PLAC1: variants seen among roughly 807,000 people sequenced by gnomAD.
PLAC1 encodes the protein placenta associated 1.
For missense variants in PLAC1, 136 were observed against 163.2 expected, an observed-to-expected ratio of 0.83 and a Z score of 0.91; for synonymous variants, 68 against 62.1, an observed-to-expected ratio of 1.09 and a Z score of -0.44.
chrX:134,646,741 G>T (rs2078335284), intron 1 of PLAC1, among the ~76,000 whole-genome samples: 1 of 112,330 alleles, frequency 8.9e-6, no homozygotes, highest in Admixed American at 9.4e-5. Flanking sequence ...TGGTTCAAAA[G>T]ATTCCAATTC....
At chrX:134,709,210 C>T (rs1030859949) in intron 2 of PLAC1, among the ~76,000 whole-genome samples, 1 of 112,018 alleles carries the variant, frequency 8.9e-6, no homozygotes, top group African/African-American at 3.3e-5. Context: ...GTAATTTACA[C>T]AGAAGATTTA....
At chrX:134,674,432 T>A (rs1334992686) in intron 2 of PLAC1, among the ~76,000 whole-genome samples, 2 of 112,011 alleles carry the variant, frequency 1.8e-5, no homozygotes, top group African/African-American at 6.5e-5. Context: ...GATGTTTCTA[T>A]GTCTTCAGTA....
intron 2 of PLAC1, among the ~76,000 whole-genome samples, chrX:134,671,828 A>G (rs1487539310): frequency 8.9e-6 from 1 of 112,053 alleles, no homozygotes; most frequent in Non-Finnish European, 1.9e-5. Context: ...TTGCATTCAT[A>G]AGAGTCTAGT....
intron 2 of PLAC1, chrX:134,601,060 T>TCTCACACACACA (rs2078086318): frequency 1.0e-5 from 1 of 96,296 alleles, no homozygotes; most frequent in South Asian, 5.4e-4. Context: ...TTTTTTTTCT[T>TCTCACACACACA]CACACACACA....
chrX:134,623,974 G>GA (rs1229523427), intron 1 of PLAC1, among the ~76,000 whole-genome samples: 1 of 111,649 alleles, frequency 9.0e-6, no homozygotes, highest in African/African-American at 3.3e-5. Flanking sequence ...AAGTGCATTA[G>GA]ATTTATCAAG....
At chrX:134,657,710 A>C (rs947184165) in intron 1 of PLAC1, among the ~76,000 whole-genome samples, 2 of 110,988 alleles carry the variant, frequency 1.8e-5, no homozygotes, top group Non-Finnish European at 3.8e-5. Context: ...GTCCAGAGAC[A>C]TGCCTCTCTG....
chrX:134,676,569 A>G (rs944141581), intron 2 of PLAC1, among the ~76,000 whole-genome samples: 5 of 112,028 alleles, frequency 4.5e-5, no homozygotes, highest in Non-Finnish European at 9.4e-5. Context: ...CAGCAAAAAC[A>G]TTTCTAGACA....
At chrX:134,755,921 G>A (rs1184536276) in intron 1 of PLAC1, among the ~76,000 whole-genome samples, 1 of 78,753 alleles carries the variant, frequency 1.3e-5, no homozygotes, top group Non-Finnish European at 2.2e-5. Context: ...GAGTGCTCTT[G>A]GCTCACTGCA....
At chrX:134,575,221 T>C (rs1050866270) in intron 2 of PLAC1, among the ~76,000 whole-genome samples, 1 of 111,380 alleles carries the variant, frequency 9.0e-6, no homozygotes, top group Middle Eastern at 4.2e-3. Context: ...TGACCCCATA[T>C]CCACATATGA....
intron 2 of PLAC1, among the ~76,000 whole-genome samples, chrX:134,718,680 G>A (rs1316828697): frequency 8.9e-6 from 1 of 112,063 alleles, no homozygotes; most frequent in Non-Finnish European, 1.9e-5. Flanking sequence ...GATATCCTAG[G>A]GCCTGGCTAC....
intron 2 of PLAC1, among the ~76,000 whole-genome samples, chrX:134,669,758 G>T (rs2078449132): frequency 8.9e-6 from 1 of 112,502 alleles, no homozygotes; most frequent in Admixed American, 9.3e-5. Flanking sequence ...GGAGCTGGAG[G>T]TCCGCAGTAG....
At chrX:134,590,127 A>G (rs1031157057) in intron 2 of PLAC1, among the ~76,000 whole-genome samples, 4 of 110,879 alleles carry the variant, frequency 3.6e-5, no homozygotes, top group East Asian at 2.8e-4. Context: ...CCTGGGAGGC[A>G]GAAGTTGCAA....
chrX:134,686,093 T>C (rs1489880410), intron 2 of PLAC1, among the ~76,000 whole-genome samples: 1 of 111,824 alleles, frequency 8.9e-6, no homozygotes, highest in Non-Finnish European at 1.9e-5. Flanking sequence ...ATGTCGGCTA[T>C]TGATGGAGTC....
intron 2 of PLAC1, among the ~76,000 whole-genome samples, chrX:134,726,696 G>A (rs1246823803): frequency 3.7e-5 from 4 of 108,176 alleles, no homozygotes; most frequent in African/African-American, 1.0e-4. Flanking sequence ...GGTGGCATGC[G>A]CCTGTAGTCC....
chrX:134,704,530 T>C (rs768026842), intron 2 of PLAC1, among the ~76,000 whole-genome samples: 2 of 91,886 alleles, frequency 2.2e-5, no homozygotes, highest in South Asian at 9.7e-4. Flanking sequence ...CAAAAAAAAA[T>C]AAAACATAGT....
intron 1 of PLAC1, among the ~76,000 whole-genome samples, chrX:134,616,678 A>C (rs1163352464): frequency 9.0e-6 from 1 of 111,577 alleles, no homozygotes; most frequent in Non-Finnish European, 1.9e-5. Context: ...TGCTTCAGCT[A>C]TCTGGGGTCT....
At chrX:134,652,422 G>A (rs956235187) in intron 1 of PLAC1, among the ~76,000 whole-genome samples, 1 of 112,170 alleles carries the variant, frequency 8.9e-6, no homozygotes, top group East Asian at 2.8e-4. Context: ...GGTTCTACAG[G>A]CAACTGCTCC....
At chrX:134,640,945 C>G (rs1475219813) in intron 1 of PLAC1, among the ~76,000 whole-genome samples, 1 of 111,827 alleles carries the variant, frequency 8.9e-6, no homozygotes, top group Non-Finnish European at 1.9e-5. Flanking sequence ...GACCCTGTCT[C>G]TACAAAGAAG....
intron 1 of PLAC1, among the ~76,000 whole-genome samples, chrX:134,749,503 C>T (rs367668416): frequency 9.0e-6 from 1 of 111,652 alleles, no homozygotes; most frequent in South Asian, 3.7e-4. Context: ...CAAATGCCTA[C>T]ACAGAAATAT....
Sources: allele counts gnomAD v4.1 joint callset (sites outside exome capture counted in the v4.1 genomes callset), GRCh38; gene constraint gnomAD v4.1.1; transcripts MANE v1.5; gene names NCBI Gene and HGNC (gene_info 2026-07-23, HGNC 2026-07-21).